APPBP2: variants seen among roughly 807,000 people sequenced by gnomAD.
APPBP2 encodes amyloid protein-binding protein 2.
A neutral mutation model predicts 76.0 loss-of-function variants in APPBP2; 15 were observed. That is an observed-to-expected ratio of 0.20 (90% CI 0.13 to 0.30). APPBP2 has a LOEUF of 0.30. Ranked by LOEUF, APPBP2 falls within the 10% of genes least tolerant of loss-of-function variation. The probability of loss-of-function intolerance (pLI) is 1.00; values close to 1 mark genes in which losing one functional copy is unlikely to be tolerated. For synonymous variants in APPBP2, 222 were observed against 242.2 expected, an observed-to-expected ratio of 0.92 and a Z score of 0.77; for missense variants, 401 against 687.2, an observed-to-expected ratio of 0.58 and a Z score of 4.66.
At chr17:60,502,768 G>A (rs1185805211) in intron 1 of APPBP2, among the ~76,000 whole-genome samples, 3 of 145,896 alleles carry the variant, frequency 2.1e-5, no homozygotes, top group East Asian at 3.9e-4. Flanking sequence ...GGAGAGAATC[G>A]CTTGAACTCG....
intron 1 of APPBP2, among the ~76,000 whole-genome samples, chr17:60,509,685 G>A (rs576153532): frequency 1.1e-4 from 17 of 152,124 alleles, no homozygotes; most frequent in African/African-American, 3.6e-4. Flanking sequence ...GCCTGTAATC[G>A]CAGCTACCCG....
chr17:60,480,209 CA>C (rs1479834258), intron 3 of APPBP2, among the ~76,000 whole-genome samples: 2 of 152,006 alleles, frequency 1.3e-5, no homozygotes, highest in African/African-American at 4.8e-5. Flanking sequence ...CCTGTCTCTA[CA>C]AAAGATACAA....
chr17:60,519,390 T>G (rs73330240), intron 1 of APPBP2, among the ~76,000 whole-genome samples: 12,462 of 152,006 alleles, frequency 0.082, 1,686 homozygotes, highest in African/African-American at 0.28. Flanking sequence ...GAAGACTGCT[T>G]GAGGCTAAGG....
At chr17:60,462,833 C>T (rs1262469706) in intron 6 of APPBP2, 1 of 151,480 alleles carries the variant, frequency 6.6e-6, no homozygotes, top group Non-Finnish European at 1.5e-5. Flanking sequence ...ACCTGTAGTC[C>T]CAGCTATTCA....
At chr17:60,460,956 C>A in intron 8 of APPBP2, 169 bp from the exon 9 acceptor site, 1 of 445,064 alleles carries the variant, frequency 2.2e-6, no homozygotes, top group Non-Finnish European at 3.7e-6. Flanking sequence ...CCTAGAAGTC[C>A]TGAATTTCTG....
At chr17:60,471,535 T>C (rs1228268824) in intron 4 of APPBP2, among the ~76,000 whole-genome samples, 2 of 152,064 alleles carry the variant, frequency 1.3e-5, no homozygotes, top group African/African-American at 2.4e-5. Context: ...GAAAAGGTGT[T>C]AGATTTTGCT....
chr17:60,453,707 C>CT (rs2090413012), intron 11 of APPBP2, among the ~76,000 whole-genome samples: 1 of 151,308 alleles, frequency 6.6e-6, no homozygotes, highest in Non-Finnish European at 1.5e-5. Flanking sequence ...GTCTGGCTAA[C>CT]TTTTTCTTTT....
chr17:60,482,619 G>A (rs1250599477), intron 3 of APPBP2, among the ~76,000 whole-genome samples: 1 of 152,170 alleles, frequency 6.6e-6, no homozygotes, highest in Non-Finnish European at 1.5e-5. Flanking sequence ...GGTGTGTGAG[G>A]TTCCCTGCCC....
At chr17:60,490,823 T>C (rs2090722922) in intron 3 of APPBP2, among the ~76,000 whole-genome samples, 1 of 152,190 alleles carries the variant, frequency 6.6e-6, no homozygotes, top group Non-Finnish European at 1.5e-5. Flanking sequence ...TCATTCTGTT[T>C]TGCCTGCCAC....
intron 4 of APPBP2, among the ~76,000 whole-genome samples, chr17:60,476,504 GA>G (rs1212387416): frequency 1.3e-5 from 2 of 152,034 alleles, no homozygotes; most frequent in Admixed American, 6.5e-5. Context: ...CTAAGTAGAT[GA>G]AAAAAATTAC....
At chr17:60,477,809 A>AG (rs2090601524) in intron 4 of APPBP2, among the ~76,000 whole-genome samples, 1 of 151,642 alleles carries the variant, frequency 6.6e-6, no homozygotes, top group Non-Finnish European at 1.5e-5. Context: ...CCAAAAAAAA[A>AG]AAAAAAAAAT....
intron 2 of APPBP2, among the ~76,000 whole-genome samples, chr17:60,498,952 A>G (rs1467506057): frequency 6.6e-6 from 1 of 152,188 alleles, no homozygotes; most frequent in Non-Finnish European, 1.5e-5. Context: ...TTTCTGATAT[A>G]ATCATATTTA....
At chr17:60,466,992 CAG>C (rs2090516174) in intron 4 of APPBP2, among the ~76,000 whole-genome samples, 2 of 152,100 alleles carry the variant, frequency 1.3e-5, no homozygotes, top group Non-Finnish European at 1.5e-5. Context: ...AGTAGAAATA[CAG>C]AGTTCTTTAA....
intron 4 of APPBP2, among the ~76,000 whole-genome samples, chr17:60,478,188 C>T (rs1186273565): frequency 6.6e-6 from 1 of 152,034 alleles, no homozygotes; most frequent in African/African-American, 2.4e-5. Context: ...AGAATTTCTG[C>T]TGTTTAATTT....
intron 3 of APPBP2, among the ~76,000 whole-genome samples, chr17:60,492,803 T>C (rs2090740734): frequency 6.6e-6 from 1 of 152,168 alleles, no homozygotes; most frequent in East Asian, 1.9e-4. Context: ...CTGTGGACTT[T>C]TTGAGTTAAT....
At chr17:60,454,553 A>G in intron 10 of APPBP2, 61 bp from the exon 11 acceptor site, 1 of 1,107,094 alleles carries the variant, frequency 9.0e-7, no homozygotes, top group South Asian at 1.7e-5. Context: ...TAGTAAGAAC[A>G]TCTAATTTAA....
intron 1 of APPBP2, chr17:60,513,127 C>T (rs1321005887): frequency 1.4e-5 from 4 of 276,914 alleles, no homozygotes; most frequent in Admixed American, 5.2e-5. Context: ...CCAGCGAGCT[C>T]GGAAGGTGTC....
At chr17:60,511,248 G>A (rs906056856) in intron 1 of APPBP2, among the ~76,000 whole-genome samples, 7 of 152,204 alleles carry the variant, frequency 4.6e-5, no homozygotes, top group Admixed American at 2.0e-4. Context: ...GGTGAAAATC[G>A]GAAGTGTTTC....
intron 4 of APPBP2, among the ~76,000 whole-genome samples, chr17:60,472,169 A>C (rs2090557281): frequency 6.6e-6 from 1 of 152,128 alleles, no homozygotes; most frequent in Non-Finnish European, 1.5e-5. Context: ...AAAAACAAAA[A>C]CAAAAACAAA....
Sources: gnomAD v4.1 joint callset for allele counts (sites outside exome capture counted in the v4.1 genomes callset) on GRCh38, gnomAD v4.1.1 for gene constraint, MANE v1.5 for transcripts, NCBI Gene and HGNC (gene_info 2026-07-23, HGNC 2026-07-21) for gene names.